SLC35D4: variants seen among roughly 807,000 people sequenced by gnomAD.
The protein encoded by SLC35D4 is UDP-N-acetylglucosamine transporter SLC35D4.
chr18:23,419,490 C>T, the SLC35D4 span, among the ~76,000 whole-genome samples: 1 of 152,014 alleles, frequency 6.6e-6, no homozygotes, highest in Non-Finnish European at 1.5e-5. Context: ...CAGGGTTTCA[C>T]CATATTGGTC....
At chr18:23,247,741 A>G in the SLC35D4 span, among the ~76,000 whole-genome samples, 1 of 152,202 alleles carries the variant, frequency 6.6e-6, no homozygotes, top group Non-Finnish European at 1.5e-5. Context: ...AGCTCAGAGA[A>G]GCAGGGACAA....
chr18:23,259,785 G>C, the SLC35D4 span: 1 of 152,278 alleles, frequency 6.6e-6, no homozygotes, highest in Admixed American at 6.5e-5. Flanking sequence ...GAAGCGAGAA[G>C]GCCAGGCAGT....
At chr18:23,411,479 GAGATAGAAAGAAAGAA>G in the SLC35D4 span, among the ~76,000 whole-genome samples, 4 of 72,844 alleles carry the variant, frequency 5.5e-5, no homozygotes, top group Middle Eastern at 7.2e-3. Context: ...AAGAAAGAAA[GAGATAGAAAGAAAGAA>G]AGAAAGAAAG....
chr18:23,307,443 T>C, the SLC35D4 span, among the ~76,000 whole-genome samples: 6 of 152,340 alleles, frequency 3.9e-5, no homozygotes, highest in Admixed American at 3.9e-4. Flanking sequence ...TCAGAATAGA[T>C]AACATTCTTA....
At chr18:23,394,998 A>AG in the SLC35D4 span, among the ~76,000 whole-genome samples, 1 of 151,766 alleles carries the variant, frequency 6.6e-6, no homozygotes, top group Non-Finnish European at 1.5e-5. Context: ...AAAAAAAAAA[A>AG]AAAAAAGCCA....
chr18:23,260,299 G>A, the SLC35D4 span: 1 of 152,142 alleles, frequency 6.6e-6, no homozygotes, highest in African/African-American at 2.4e-5. Context: ...TCCCTGCCAG[G>A]GTGTCTGTGG....
chr18:23,430,741 C>G, the SLC35D4 span: 1 of 1,427,426 alleles, frequency 7.0e-7, no homozygotes, highest in Non-Finnish European at 9.8e-7. Context: ...ACCATATAAT[C>G]AAAGACATTT....
the SLC35D4 span, among the ~76,000 whole-genome samples, chr18:23,282,432 G>A: frequency 3.3e-5 from 5 of 152,184 alleles, no homozygotes; most frequent in Non-Finnish European, 7.3e-5. Context: ...GCAAAGATTC[G>A]CTCGGCTCAC....
the SLC35D4 span, among the ~76,000 whole-genome samples, chr18:23,268,803 C>CGTGCGTGTGT: frequency 4.7e-5 from 7 of 149,386 alleles, no homozygotes; most frequent in African/African-American, 1.7e-4. Context: ...TGTGTGTGTG[C>CGTGCGTGTGT]GTGTGTGTGT....
At chr18:23,242,273 T>C in the SLC35D4 span, among the ~76,000 whole-genome samples, 1 of 152,000 alleles carries the variant, frequency 6.6e-6, no homozygotes, top group African/African-American at 2.4e-5. Flanking sequence ...AATGAAACTC[T>C]GTCTCAAAAA....
the SLC35D4 span, among the ~76,000 whole-genome samples, chr18:23,281,473 CA>C: frequency 6.6e-6 from 1 of 152,112 alleles, no homozygotes; most frequent in Admixed American, 6.5e-5. Flanking sequence ...CAGGCGTGCA[CA>C]ACCACGCCCA....
At chr18:23,342,969 C>T in the SLC35D4 span, among the ~76,000 whole-genome samples, 2 of 151,798 alleles carry the variant, frequency 1.3e-5, no homozygotes, top group African/African-American at 4.8e-5. Context: ...GTCACCCAGG[C>T]TGGAGTGCAG....
the SLC35D4 span, chr18:23,365,795 G>A: frequency 5.9e-6 from 6 of 1,023,400 alleles, no homozygotes; most frequent in Non-Finnish European, 7.2e-6. Context: ...GACTCACTCT[G>A]CCTAAATCCA....
the SLC35D4 span, among the ~76,000 whole-genome samples, chr18:23,353,076 A>AGTGT: frequency 0.04 from 5,110 of 126,528 alleles, 235 homozygotes; most frequent in East Asian, 0.07. Context: ...TGAGACAGAC[A>AGTGT]GTGTGTGTGT....
At chr18:23,315,482 G>C in the SLC35D4 span, among the ~76,000 whole-genome samples, 1 of 152,194 alleles carries the variant, frequency 6.6e-6, no homozygotes, top group Non-Finnish European at 1.5e-5. Context: ...ATCAGGGCAT[G>C]TGCTATTCAT....
At chr18:23,328,461 C>T in the SLC35D4 span, among the ~76,000 whole-genome samples, 2 of 152,114 alleles carry the variant, frequency 1.3e-5, no homozygotes, top group Admixed American at 6.5e-5. Context: ...ACAATTGCTA[C>T]AAAGAGAATA....
At chr18:23,284,021 G>A in the SLC35D4 span, among the ~76,000 whole-genome samples, 1 of 152,184 alleles carries the variant, frequency 6.6e-6, no homozygotes, top group Non-Finnish European at 1.5e-5. Context: ...ACTTCCTGAC[G>A]TTGCCATTGC....
chr18:23,368,657 G>T, the SLC35D4 span: 1 of 1,088,094 alleles, frequency 9.2e-7, no homozygotes, highest in African/African-American at 1.6e-5. Flanking sequence ...AATATTATTG[G>T]AAAATAAAAA....
chr18:23,437,902 CT>C, the SLC35D4 span: 11 of 1,573,704 alleles, frequency 7.0e-6, no homozygotes, highest in African/African-American at 2.7e-5. Context: ...CCCAAATCCC[CT>C]GGCCGCCGCC....
Sources: allele counts gnomAD v4.1 joint callset (sites outside exome capture counted in the v4.1 genomes callset), GRCh38; gene constraint gnomAD v4.1.1; transcripts MANE v1.5; gene names NCBI Gene and HGNC (gene_info 2026-07-23, HGNC 2026-07-21).